CPA6: variants seen among roughly 807,000 people sequenced by gnomAD.
CPA6 encodes carboxypeptidase A6.
Under a neutral mutation model 63.3 loss-of-function variants are expected in CPA6, and 58 were observed. The observed-to-expected ratio is 0.92, with a 90% CI of 0.74 to 1.14. The LOEUF is 1.14. Among genes scored for constraint, CPA6 ranks in the 50% most tolerant of loss-of-function variants. CPA6 has a pLI of 0.00. For missense variants in CPA6, 565 were observed against 526.6 expected (o/e 1.07, Z -0.71); for synonymous variants, 185 against 179.0 (o/e 1.03, Z -0.27).
intron 2 of CPA6, among the ~76,000 whole-genome samples, chr8:67,574,466 A>T (rs1334260588): frequency 1.3e-5 from 2 of 152,136 alleles, no homozygotes; most frequent in African/African-American, 4.8e-5. Flanking sequence ...GAGGTATCAC[A>T]CCAACTGTAG....
intron 1 of CPA6, among the ~76,000 whole-genome samples, chr8:67,706,580 G>A (rs531951975): frequency 1.2e-4 from 18 of 152,222 alleles, no homozygotes; most frequent in South Asian, 1.0e-3. Flanking sequence ...GTTGTGGAAG[G>A]TTTGTGAAAA....
At chr8:67,470,030 TTTTTTTTTTTC>T (rs956355741) in intron 8 of CPA6, among the ~76,000 whole-genome samples, 2 of 149,500 alleles carry the variant, frequency 1.3e-5, no homozygotes, top group African/African-American at 4.9e-5. Flanking sequence ...CATGTTTCCT[TTTTTTTTTTTC>T]TTTTTTTTTT....
At chr8:67,487,332 T>C (rs1054305675) in intron 6 of CPA6, among the ~76,000 whole-genome samples, 13 of 152,136 alleles carry the variant, frequency 8.5e-5, no homozygotes, top group Admixed American at 6.5e-4. Context: ...GATAGTTTGC[T>C]CAGAATGATG....
chr8:67,657,431 A>G, intron 1 of CPA6, among the ~76,000 whole-genome samples: 1 of 152,218 alleles, frequency 6.6e-6, no homozygotes, highest in East Asian at 1.9e-4. Flanking sequence ...TTATAAACCT[A>G]GCAGTTTAAA....
intron 1 of CPA6, among the ~76,000 whole-genome samples, chr8:67,662,204 T>C (rs1816125212): frequency 6.6e-6 from 1 of 152,152 alleles, no homozygotes; most frequent in Non-Finnish European, 1.5e-5. Context: ...TGTTATCTCC[T>C]GATGGCTTCT....
At chr8:67,702,922 C>T (rs1330698759) in intron 1 of CPA6, among the ~76,000 whole-genome samples, 2 of 152,114 alleles carry the variant, frequency 1.3e-5, no homozygotes, top group Non-Finnish European at 2.9e-5. Flanking sequence ...ACTTTACTTC[C>T]TTTCATTCCT....
chr8:67,701,774 A>G (rs1363251680), intron 1 of CPA6, among the ~76,000 whole-genome samples: 1 of 152,212 alleles, frequency 6.6e-6, no homozygotes, highest in African/African-American at 2.4e-5. Context: ...GGTGGCAAAC[A>G]AGAGAAGCCT....
In CPA6 at chr8:67,511,615, T is replaced by G. The variant is rs1563981563; in HGVS notation, c.358A>C (p.Ser120Arg). The change falls in exon 4 of 11, where the codon AGC becomes CGC. Residue 120 changes from serine (S) to arginine (R), a missense_variant. Physicochemically the swap from Ser to Arg is moderately radical, Grantham distance 110 (BLOSUM62 -1). Transcript: ENST00000297770. ...EDLQKTLEKGSSLHTQRNRRS... is the reference protein window; with the variant it reads ...EDLQKTLEKGRSLHTQRNRRS... ...CGGTTTCTCTGGGTGTGCAAGCTGCTTCCCTTCTCCAGTGTTTTCTGAAGA... is the reference window on the plus strand; with the variant it reads ...CGGTTTCTCTGGGTGTGCAAGCTGCGTCCCTTCTCCAGTGTTTTCTGAAGA... 1.9e-6 allele frequency: 3 copies of G among 1,612,496 alleles called. No homozygotes were observed. The highest frequency in any genetic ancestry group is 2.5e-6 in the Non-Finnish European group (3 of 1,178,596).
At chr8:67,669,146 C>A (rs1219903301) in intron 1 of CPA6, among the ~76,000 whole-genome samples, 1 of 152,136 alleles carries the variant, frequency 6.6e-6, no homozygotes, top group Non-Finnish European at 1.5e-5. Flanking sequence ...GATCTATTGT[C>A]AAAATTACAT....
intron 1 of CPA6, among the ~76,000 whole-genome samples, chr8:67,696,279 T>C (rs995713017): frequency 6.6e-6 from 1 of 152,180 alleles, no homozygotes. Context: ...AAAGAATATA[T>C]AAATGCATGT....
chr8:67,654,727 C>T (rs774474824), intron 1 of CPA6, among the ~76,000 whole-genome samples: 5 of 152,112 alleles, frequency 3.3e-5, no homozygotes, highest in African/African-American at 4.8e-5. Context: ...TCTGTAAAAT[C>T]TCTGACAATG....
intron 1 of CPA6, among the ~76,000 whole-genome samples, chr8:67,731,245 C>T (rs1489402306): frequency 6.6e-6 from 1 of 152,162 alleles, no homozygotes; most frequent in Non-Finnish European, 1.5e-5. Flanking sequence ...AGGAAAAAAA[C>T]AAATTCTTTT....
intron 1 of CPA6, among the ~76,000 whole-genome samples, chr8:67,680,351 A>C (rs1358256006): frequency 6.6e-6 from 1 of 152,074 alleles, no homozygotes; most frequent in African/African-American, 2.4e-5. Flanking sequence ...AAAAATGAAG[A>C]AATTAGCCAG....
intron 1 of CPA6, among the ~76,000 whole-genome samples, chr8:67,719,731 T>C (rs943143956): frequency 6.6e-6 from 1 of 151,448 alleles, no homozygotes; most frequent in Non-Finnish European, 1.5e-5. Context: ...TGGGAAGAAA[T>C]TGTGACAGGA....
At chr8:67,515,744 C>G (rs1812131112) in intron 3 of CPA6, among the ~76,000 whole-genome samples, 2 of 152,126 alleles carry the variant, frequency 1.3e-5, no homozygotes, top group Admixed American at 6.6e-5. Context: ...CTGTTCTTGA[C>G]TGCACCAGCC....
chr8:67,475,751 CTTTT>C (rs1224663813), intron 8 of CPA6, among the ~76,000 whole-genome samples: 4 of 146,764 alleles, frequency 2.7e-5, no homozygotes, highest in Admixed American at 6.9e-5. Context: ...TTCCTTCTTT[CTTTT>C]TTTCTTTCTT....
chr8:67,716,952 G>T (rs917444427), intron 1 of CPA6, among the ~76,000 whole-genome samples: 1 of 152,164 alleles, frequency 6.6e-6, no homozygotes, highest in Non-Finnish European at 1.5e-5. Flanking sequence ...ACATGGTAGG[G>T]TTTTAGAAAT....
intron 2 of CPA6, among the ~76,000 whole-genome samples, chr8:67,579,598 ATGGGTCAAACTACCT>A (rs976698637): frequency 1.7e-4 from 26 of 152,348 alleles, no homozygotes; most frequent in African/African-American, 5.8e-4. Context: ...TACAAATAAT[ATGGGTCAAACTACCT>A]TCACTAACTT....
intron 8 of CPA6, among the ~76,000 whole-genome samples, chr8:67,475,779 T>TTCTTTC (rs1811166055): frequency 1.6e-5 from 1 of 61,992 alleles, no homozygotes; most frequent in Non-Finnish European, 2.9e-5. Flanking sequence ...CTTTCTTTCT[T>TTCTTTC]TCTTTCTTTC....
Sources: gnomAD v4.1 joint callset for allele counts (sites outside exome capture counted in the v4.1 genomes callset) on GRCh38, gnomAD v4.1.1 for gene constraint, MANE v1.5 for transcripts, NCBI Gene and HGNC (gene_info 2026-07-23, HGNC 2026-07-21) for gene names.